Variants in CNTLN observed in about 807,000 individuals in gnomAD.
CNTLN encodes the protein centlein, also known as centlein, centrosomal protein.
In CNTLN, 212 loss-of-function variants were observed where a neutral mutation model predicts 180.0. The observed-to-expected ratio is 1.18, with a 90% confidence interval of 1.05 to 1.32. CNTLN has a LOEUF of 1.32. Ranked by LOEUF, CNTLN falls within the 40% of genes most tolerant of loss-of-function variation. The probability of loss-of-function intolerance (pLI) is 0.00; values close to 1 mark genes in which losing one functional copy is unlikely to be tolerated. For missense variants in CNTLN, 2,095 were observed against 1,610.9 expected (o/e 1.30, Z -5.14); for synonymous variants, 722 against 563.1 (o/e 1.28, Z -3.99).
intron 6 of CNTLN, among the ~76,000 whole-genome samples, chr9:17,291,939 GTT>G (rs1829440913): frequency 6.6e-6 from 1 of 152,102 alleles, no homozygotes; most frequent in African/African-American, 2.4e-5. Flanking sequence ...GCTAGTGGTG[GTT>G]TTTCCTTTCT....
intron 2 of CNTLN, among the ~76,000 whole-genome samples, chr9:17,188,722 AT>A: frequency 6.6e-6 from 1 of 152,060 alleles, no homozygotes; most frequent in East Asian, 1.9e-4. Flanking sequence ...AAGATTCTAT[AT>A]TTTTCACATC....
At chr9:17,234,730 GA>G (rs200562235) in intron 3 of CNTLN, among the ~76,000 whole-genome samples, 2,708 of 152,270 alleles carry the variant, frequency 0.018, 91 homozygotes, top group African/African-American at 0.062. Context: ...TTGACAGACA[GA>G]AGGTGTTATT....
At chr9:17,293,701 C>A (rs1817577791) in intron 6 of CNTLN, among the ~76,000 whole-genome samples, 1 of 152,204 alleles carries the variant, frequency 6.6e-6, no homozygotes, top group South Asian at 2.1e-4. Flanking sequence ...CCCGGGAACT[C>A]AGGCATCTTA....
At chr9:17,176,326 GCTTGTACTGCATCA>G (rs1316720095) in intron 2 of CNTLN, among the ~76,000 whole-genome samples, 2 of 151,750 alleles carry the variant, frequency 1.3e-5, no homozygotes, top group Admixed American at 6.6e-5. Context: ...TCCATGAAAT[GCTTGTACTGCATCA>G]CTTGATATGA....
chr9:17,214,422 C>A (rs992805596), intron 2 of CNTLN, among the ~76,000 whole-genome samples: 1 of 152,192 alleles, frequency 6.6e-6, no homozygotes, highest in African/African-American at 2.4e-5. Flanking sequence ...GCCAGGAGAT[C>A]TGCTGTTATT....
At chr9:17,448,355 A>G (rs914170524) in intron 18 of CNTLN, 5 of 152,288 alleles carry the variant, frequency 3.3e-5, no homozygotes, top group African/African-American at 7.2e-5. Context: ...ACAAACGGTG[A>G]TATTATCTTT....
intron 25 of CNTLN, among the ~76,000 whole-genome samples, chr9:17,495,838 T>G (rs1021757864): frequency 2.6e-5 from 4 of 152,138 alleles, no homozygotes; most frequent in African/African-American, 9.7e-5. Context: ...CTATACCATA[T>G]TTTTACTACG....
intron 12 of CNTLN, among the ~76,000 whole-genome samples, chr9:17,357,948 T>C (rs1356272970): frequency 2.0e-5 from 3 of 151,942 alleles, no homozygotes; most frequent in Non-Finnish European, 2.9e-5. Context: ...AGTTGCTTCT[T>C]AAGAAACTTT....
chr9:17,461,191 C>T (rs968401216), intron 19 of CNTLN, among the ~76,000 whole-genome samples: 1 of 151,420 alleles, frequency 6.6e-6, no homozygotes, highest in African/African-American at 2.4e-5. Context: ...TATGATATCA[C>T]TATATTAACA....
chr9:17,343,552 G>A (rs1212728845), intron 12 of CNTLN, among the ~76,000 whole-genome samples: 1 of 152,116 alleles, frequency 6.6e-6, no homozygotes, highest in Non-Finnish European at 1.5e-5. Context: ...TTAAAGTGCA[G>A]TATACTCTAT....
At chr9:17,508,994 G>A in the CNTLN span, among the ~76,000 whole-genome samples, 1 of 152,210 alleles carries the variant, frequency 6.6e-6, no homozygotes, top group Non-Finnish European at 1.5e-5. Flanking sequence ...GGTGACCTCA[G>A]CGAGGAGGAT....
At chr9:17,506,825 A>AT (rs951897017), downstream of CNTLN, among the ~76,000 whole-genome samples, 1 of 151,890 alleles carries the variant, frequency 6.6e-6, no homozygotes, top group East Asian at 1.9e-4. Flanking sequence ...AAGAGTTGCT[A>AT]TTTTTTTCCT....
At chr9:17,247,626 A>G (rs1825869532) in intron 5 of CNTLN, among the ~76,000 whole-genome samples, 1 of 152,146 alleles carries the variant, frequency 6.6e-6, no homozygotes, top group Non-Finnish European at 1.5e-5. Context: ...GGTTCTTAAG[A>G]AGGTACTTTT....
intron 2 of CNTLN, among the ~76,000 whole-genome samples, chr9:17,216,107 G>T (rs1306393397): frequency 6.6e-6 from 1 of 152,168 alleles, no homozygotes; most frequent in Non-Finnish European, 1.5e-5. Context: ...CGTTACCTCA[G>T]TTGGAAATGC....
intron 2 of CNTLN, among the ~76,000 whole-genome samples, chr9:17,151,787 T>A (rs1818901074): frequency 6.6e-6 from 1 of 152,188 alleles, no homozygotes; most frequent in African/African-American, 2.4e-5. Context: ...ATCCATCTAG[T>A]CCTTGACTTT....
At chr9:17,505,481 C>G (rs1299013304), downstream of CNTLN, among the ~76,000 whole-genome samples, 1 of 152,084 alleles carries the variant, frequency 6.6e-6, no homozygotes, top group Non-Finnish European at 1.5e-5. Context: ...TTTCTATACA[C>G]TAGTAAGCTA....
rs778990589 is a variant in CNTLN, at chr9:17,309,207, A to C, written c.1296A>C (p.Ala432=). The change falls in exon 8 of 26, where the codon GCA becomes GCC. Residue 432 remains alanine (A), a synonymous_variant. Coordinates refer to ENST00000380647, the MANE Select transcript of CNTLN (RefSeq NM_017738.4). The part of the protein sequence containing the change: ...LKEKLQESQG[A]PLPLPQESDP... ...AAAAACTTCAGGAATCACAGGGAGCACCTCTTCCTTTACCTCAAGAAAGTG... is the reference window on the plus strand; with the variant it reads ...AAAAACTTCAGGAATCACAGGGAGCCCCTCTTCCTTTACCTCAAGAAAGTG... 2.5e-6 allele frequency: 4 copies of C among 1,606,164 alleles called. No individual in the cohort carries two copies. The South Asian group carries it at 4.5e-5, about 18-fold the overall frequency.
At chr9:17,253,549 T>C (rs1425767172) in intron 5 of CNTLN, among the ~76,000 whole-genome samples, 1 of 151,584 alleles carries the variant, frequency 6.6e-6, no homozygotes, top group Admixed American at 6.6e-5. Context: ...AATTGCTTTT[T>C]TGATTTCTTC....
chr9:17,457,688 A>C lies in CNTLN; in HGVS notation c.3279A>C (p.Glu1093Asp). 1 of 1,499,854 alleles carries C rather than the reference A, an allele frequency of 6.7e-7. No homozygotes were observed. Among genetic ancestry groups the C allele is most frequent in the East Asian group, 2.5e-5 (1 of 39,528 alleles). The allele number at this position is 1,499,854 out of a possible 1,614,324, so 92.9% of individuals were successfully genotyped here. A position where few individuals can be genotyped will look rare whatever the true frequency, so the allele number is the denominator to read the frequency against. ...SLSPSRSMDL[E>D]MKQLQYKLKN... ...GTCCTTCAAGGAGCATGGATTTGGA[A>C]ATGAAGCAATTGCAGTATAAACTAA... is the stretch of plus-strand genomic sequence containing the variant. The change falls in exon 19 of 26, where the codon GAA becomes GAC. Residue 1093 changes from glutamate (E) to aspartate (D), a missense_variant. By Grantham distance (45) the Glu-to-Asp change is conservative (BLOSUM62 2). Coordinates refer to ENST00000380647, the MANE Select transcript of CNTLN (RefSeq NM_017738.4).
Sources: allele counts gnomAD v4.1 joint callset (sites outside exome capture counted in the v4.1 genomes callset), GRCh38; gene constraint gnomAD v4.1.1; transcripts MANE v1.5; gene names NCBI Gene and HGNC (gene_info 2026-07-23, HGNC 2026-07-21).